The following PPARGC1B variants were observed in gnomAD, a reference collection of about 807,000 sequenced individuals.
PPARGC1B encodes the protein peroxisome proliferator-activated receptor gamma coactivator 1-beta.
PPARGC1B carries 34 observed loss-of-function variants against 101.6 expected under a neutral mutation model. The observed-to-expected ratio is 0.33, with a 90% CI of 0.25 to 0.45. The LOEUF (loss-of-function observed/expected upper bound fraction) is 0.45. PPARGC1B is among the 20% of genes least tolerant of loss of function. The pLI is 1.00. For missense variants in PPARGC1B, 1,234 were observed against 1,317.6 expected, an observed-to-expected ratio of 0.94 and a Z score of 0.98; for synonymous variants, 548 against 539.3, an observed-to-expected ratio of 1.02 and a Z score of -0.22.
In PPARGC1B at chr5:149,740,931, G is replaced by A. The variant is rs770589696; in HGVS notation, c.78+10511G>A. 2.6e-5 allele frequency among the ~76,000 whole-genome samples: 4 copies of A among 152,170 alleles called. 1 individual carries two copies. The highest frequency in any genetic ancestry group is 4.1e-4 in the South Asian group (2 of 4,828). The stretch of plus-strand genomic sequence containing the variant: ...TGGGAGTTGGGAGTGCCTTAGAGAC[G>A]ATCTTGCTTAATGCCCTTACCTTGA... On this transcript the variant is annotated intron_variant, in intron 1 of 11. Transcript: ENST00000309241.
In PPARGC1B at chr5:149,851,189, T is replaced by A. The variant is rs1759749714; in HGVS notation, c.*3631T>A. 6.6e-6 allele frequency: 1 copy of A among 152,228 alleles called. No homozygotes were observed. The highest frequency in any genetic ancestry group is 1.5e-5 in the Non-Finnish European group (1 of 68,074). The allele number at this position is 152,228 out of a possible 1,614,324, so 9.4% of individuals were successfully genotyped here. ...ACGTGGGAGGAGATGCAGTGAGACGTCTCTTGTTGCCTAAAGCCTGTTCCT... is the reference window on the plus strand; with the variant it reads ...ACGTGGGAGGAGATGCAGTGAGACGACTCTTGTTGCCTAAAGCCTGTTCCT... On this transcript the variant is annotated 3_prime_UTR_variant, in exon 12 of 12. Transcript: ENST00000309241.
Position 149,820,425 on chromosome 5 carries a change from C to A in PPARGC1B, c.79-8C>A, listed in dbSNP as rs779718125. On this transcript the variant is annotated splice_region_variant and splice_polypyrimidine_tract_variant and intron_variant, in intron 1 of 11. Coordinates refer to ENST00000309241, the MANE Select transcript of PPARGC1B (RefSeq NM_133263.4). ...TCTGATCCACCTCTTTCCTTCCTGT[C>A]TCCTCAGGGTGGAGGGTCCGGGGAG... 1.2e-6 allele frequency: 2 copies of A among 1,612,182 alleles called. No individual in the cohort carries two copies. Among genetic ancestry groups the A allele is most frequent in the African/African-American group, 1.3e-5 (1 of 75,008 alleles).
intron 1 of PPARGC1B, among the ~76,000 whole-genome samples, chr5:149,753,240 T>C (rs1755382433): frequency 6.6e-6 from 1 of 152,234 alleles, no homozygotes; most frequent in South Asian, 2.1e-4. Flanking sequence ...AGAGTCTCGC[T>C]CTGTTGCCCA....
chr5:149,832,644 C>A lies in PPARGC1B; in HGVS notation c.583-12C>A. ...GGCCTCCTTCCTCACTCTGGCCTCTCTCCCTCTCTAGGCGGACAGCACCCA... is the reference window on the plus strand; with the variant it reads ...GGCCTCCTTCCTCACTCTGGCCTCTATCCCTCTCTAGGCGGACAGCACCCA... On this transcript the variant is annotated splice_polypyrimidine_tract_variant and intron_variant, in intron 4 of 11. Transcript: ENST00000309241. This position sits in a 1 kb window ranked among gnomAD's most constrained non-coding sequence, Gnocchi z 4.9. 1 of 1,521,680 alleles carries A rather than the reference C, an allele frequency of 6.6e-7. No individual in the cohort carries two copies. The allele number at this position is 1,521,680 out of a possible 1,614,324, so 94.3% of individuals were successfully genotyped here. A position where few individuals can be genotyped will look rare whatever the true frequency, so the allele number is the denominator to read the frequency against.
intron 2 of PPARGC1B, among the ~76,000 whole-genome samples, chr5:149,822,179 T>C (rs756612022): frequency 1.3e-5 from 2 of 152,132 alleles, no homozygotes; most frequent in Non-Finnish European, 2.9e-5. Flanking sequence ...TGCAGAGAAC[T>C]CATGAGTGAA....
At chr5:149,757,224 A>T (rs1429908740) in intron 1 of PPARGC1B, among the ~76,000 whole-genome samples, 1 of 152,224 alleles carries the variant, frequency 6.6e-6, no homozygotes, top group African/African-American at 2.4e-5. Context: ...TATTCCAGGC[A>T]GTGAGAAAAG....
At chr5:149,732,453 ATAAT>A (rs1352644070) in intron 1 of PPARGC1B, among the ~76,000 whole-genome samples, 2 of 152,244 alleles carry the variant, frequency 1.3e-5, no homozygotes, top group South Asian at 2.1e-4. Flanking sequence ...TGGCTCAGCA[ATAAT>A]TAATTATTTT....
intron 1 of PPARGC1B, among the ~76,000 whole-genome samples, chr5:149,755,040 C>CATATATATATATATATATATAT (rs761461783): frequency 1.2e-5 from 1 of 85,260 alleles, no homozygotes; most frequent in South Asian, 3.5e-4. Context: ...ACTACATATA[C>CATATATATATATATATATATAT]ATATACATAT....
At chr5:149,738,511 A>G (rs953113786) in intron 1 of PPARGC1B, among the ~76,000 whole-genome samples, 1 of 152,156 alleles carries the variant, frequency 6.6e-6, no homozygotes, top group African/African-American at 2.4e-5. Flanking sequence ...ATGAACTGGA[A>G]TGTCCTCTCC....
chr5:149,830,906 A>C, intron 4 of PPARGC1B, 23 bp downstream of exon 4: 22 of 1,503,374 alleles, frequency 1.5e-5, no homozygotes, highest in Middle Eastern at 1.7e-4. Flanking sequence ...ATGCCCCCAA[A>C]TCTACCCCAG....
chr5:149,790,727 G>A (rs1472271260), intron 1 of PPARGC1B, among the ~76,000 whole-genome samples: 1 of 152,066 alleles, frequency 6.6e-6, no homozygotes, highest in Non-Finnish European at 1.5e-5. Context: ...TGTTGGGTGG[G>A]TCCCAGTGAC....
At chr5:149,830,030 CAAAAAAAAA>C (rs60711433) in intron 3 of PPARGC1B, among the ~76,000 whole-genome samples, 1 of 34,264 alleles carries the variant, frequency 2.9e-5, no homozygotes. Flanking sequence ...GACTGCATCT[CAAAAAAAAA>C]AAAAAAAAAA....
At chr5:149,755,416 T>TCATGGGTGAACCC (rs1755481208) in intron 1 of PPARGC1B, among the ~76,000 whole-genome samples, 1 of 151,828 alleles carries the variant, frequency 6.6e-6, no homozygotes, top group Non-Finnish European at 1.5e-5. Context: ...GCCAACTCTT[T>TCATGGGTGAACCC]CATGGGTGAA....
chr5:149,852,267 A>G lies in PPARGC1B; in HGVS notation c.*4709A>G, dbSNP rs26121. On this transcript the variant is annotated 3_prime_UTR_variant, in exon 12 of 12. Coordinates refer to ENST00000309241, the MANE Select transcript of PPARGC1B (RefSeq NM_133263.4). ...GAAACCCTAATGTTTCTTACTTGCT[A>G]TGTGACCTTGGGCCCCTGTTTCCTC... The G allele has an allele frequency of 0.32, 48,362 of 152,130 alleles. 8,372 individuals carry two copies. The highest frequency in any genetic ancestry group is 0.46 in the African/African-American group (18,896 of 41,460). 9.4% of individuals were successfully genotyped at this position (152,130 alleles called of 1,614,324 possible).
chr5:149,755,909 G>A (rs1755503946), intron 1 of PPARGC1B, among the ~76,000 whole-genome samples: 1 of 152,154 alleles, frequency 6.6e-6, no homozygotes, highest in Non-Finnish European at 1.5e-5. Context: ...CCCCCAAAGT[G>A]CTGGGATTAC....
At chr5:149,750,122 T>A (rs1364881738) in intron 1 of PPARGC1B, among the ~76,000 whole-genome samples, 1 of 152,090 alleles carries the variant, frequency 6.6e-6, no homozygotes, top group Non-Finnish European at 1.5e-5. Context: ...AAATTTGTCA[T>A]GGGATCATGT....
intron 1 of PPARGC1B, among the ~76,000 whole-genome samples, chr5:149,765,195 G>T (rs540074807): frequency 6.6e-6 from 1 of 152,258 alleles, no homozygotes. Flanking sequence ...TAAAGGAGGC[G>T]AGAAGGCAGG....
At chr5:149,783,520 G>C (rs1188883562) in intron 1 of PPARGC1B, among the ~76,000 whole-genome samples, 1 of 152,194 alleles carries the variant, frequency 6.6e-6, no homozygotes, top group African/African-American at 2.4e-5. Flanking sequence ...CGTCCAGTCA[G>C]ATGGGGGAGA....
intron 1 of PPARGC1B, among the ~76,000 whole-genome samples, chr5:149,785,007 G>GTTAGCAGTTCAGGAAAGAGGAATCTGT (rs1340091295): frequency 6.6e-6 from 1 of 152,200 alleles, no homozygotes; most frequent in Non-Finnish European, 1.5e-5. Flanking sequence ...CCTGGTGCAG[G>GTTAGCAGTTCAGGAAAGAGGAATCTGT]TTAGCAGTTC....
Sources: gnomAD v4.1 joint callset for allele counts (sites outside exome capture counted in the v4.1 genomes callset) on GRCh38, gnomAD v4.1.1 for gene constraint, Gnocchi (gnomAD v3.1) non-coding constraint, MANE v1.5 for transcripts, NCBI Gene and HGNC (gene_info 2026-07-23, HGNC 2026-07-21) for gene names.